ANKRD44: variants seen among roughly 807,000 people sequenced by gnomAD.
ANKRD44 encodes ankyrin repeat domain 44.
ANKRD44 carries 35 observed loss-of-function variants against 116.0 expected under a neutral mutation model. The ratio of observed to expected loss-of-function variants is 0.30; its 90% CI spans 0.23 to 0.40. The LOEUF (loss-of-function observed/expected upper bound fraction) is 0.40, where lower values mean the gene tolerates loss of function less well. ANKRD44 is among the 10% of genes least tolerant of loss of function. The pLI is 1.00. For missense variants in ANKRD44, 1,014 were observed against 1,242.6 expected, an observed-to-expected ratio of 0.82 and a Z score of 2.77; for synonymous variants, 435 against 461.8, an observed-to-expected ratio of 0.94 and a Z score of 0.74.
At chr2:197,127,615 C>T (rs2079005623) in intron 4 of ANKRD44, among the ~76,000 whole-genome samples, 1 of 152,104 alleles carries the variant, frequency 6.6e-6, no homozygotes, top group Non-Finnish European at 1.5e-5. Flanking sequence ...GGAAGGGAAG[C>T]TGAACACTTC....
At chr2:197,015,937 G>A (rs2076383944) in intron 17 of ANKRD44, 4 of 531,330 alleles carry the variant, frequency 7.5e-6, no homozygotes, top group Middle Eastern at 3.2e-4. Context: ...TAGTTTTGGT[G>A]GAAGAAGCTC....
intron 21 of ANKRD44, among the ~76,000 whole-genome samples, chr2:196,971,359 A>T (rs898431871): frequency 3.3e-5 from 5 of 151,962 alleles, no homozygotes; most frequent in African/African-American, 7.3e-5. Context: ...TATTATTTTT[A>T]TTATTATTAT....
chr2:197,260,177 G>A (rs911499801), intron 1 of ANKRD44, among the ~76,000 whole-genome samples: 6 of 152,120 alleles, frequency 3.9e-5, no homozygotes, highest in Non-Finnish European at 8.8e-5. Context: ...TTGGTGTGCT[G>A]CACCCATTAA....
intron 2 of ANKRD44, among the ~76,000 whole-genome samples, chr2:197,170,179 G>T (rs1365321311): frequency 2.1e-5 from 2 of 94,288 alleles, no homozygotes; most frequent in African/African-American, 8.5e-5. Context: ...GATAGAACAA[G>T]ACCCTGTTTC....
At chr2:197,010,520 C>G (rs570367477) in intron 18 of ANKRD44, among the ~76,000 whole-genome samples, 8 of 152,338 alleles carry the variant, frequency 5.3e-5, no homozygotes, top group South Asian at 2.1e-4. Context: ...GGATGCACTC[C>G]TGTGCACACC....
rs192929029 is a variant in ANKRD44 at position 197,226,423 on chromosome 2, T to C, written c.28-39317A>G. On this transcript the variant is annotated intron_variant, in intron 1 of 27. Coordinates refer to ENST00000282272, the MANE Select transcript of ANKRD44 (RefSeq NM_001195144.2). Reference sequence around the variant, plus strand: ...GCTCACGCCTGTAATCCTAGTACTTTGAGAGACTGAGGCGGGTGGATCATG... The same window carrying C: ...GCTCACGCCTGTAATCCTAGTACTTCGAGAGACTGAGGCGGGTGGATCATG... Among the ~76,000 whole-genome samples the C allele has an allele frequency of 3.0e-3, 451 of 152,316 alleles. 2 individuals are homozygous for C. Among genetic ancestry groups the C allele is most frequent in the African/African-American group, 0.01 (426 of 41,564 alleles).
intron 27 of ANKRD44, chr2:196,991,075 A>T (rs1272581457): frequency 4.2e-6 from 3 of 706,652 alleles, no homozygotes; most frequent in Non-Finnish European, 5.9e-6. Context: ...GTTACTTCTC[A>T]CAAGTCATGC....
intron 1 of ANKRD44, among the ~76,000 whole-genome samples, chr2:197,273,629 G>C (rs1283660452): frequency 6.6e-6 from 1 of 152,062 alleles, no homozygotes; most frequent in African/African-American, 2.4e-5. Flanking sequence ...CAGGGCCTAG[G>C]AGCCAGGCCA....
intron 17 of ANKRD44, 127 bp from the exon 18 acceptor site, chr2:197,013,839 A>C: frequency 2.3e-6 from 2 of 867,996 alleles, no homozygotes. Context: ...TCAGAAAAAC[A>C]CTTGGAATAT....
At chr2:197,080,392 T>C (rs1315392005) in intron 15 of ANKRD44, among the ~76,000 whole-genome samples, 2 of 152,174 alleles carry the variant, frequency 1.3e-5, no homozygotes, top group Non-Finnish European at 2.9e-5. Context: ...GCACATGACG[T>C]CAGAGGCGTA....
intron 2 of ANKRD44, among the ~76,000 whole-genome samples, chr2:197,154,156 T>C (rs1258236113): frequency 6.6e-6 from 1 of 151,650 alleles, no homozygotes; most frequent in African/African-American, 2.4e-5. Context: ...CTCGCCAATA[T>C]CTGATGCTAT....
In ANKRD44 at chr2:197,024,158, C is replaced by T. The variant is rs141190043; in HGVS notation, c.1722+1038G>A. ...CCTCTGCATGTCAATTAATAAAACA[C>T]TCCTCTCTTCTCTCCAAAATTTCCA... On this transcript the variant is annotated intron_variant, in intron 17 of 27. Coordinates refer to ENST00000282272, the MANE Select transcript of ANKRD44 (RefSeq NM_001195144.2). 3.9e-5 allele frequency among the ~76,000 whole-genome samples: 6 copies of T among 152,330 alleles called. No individual in the cohort carries two copies. The East Asian group carries it at 1.2e-3, about 29-fold the overall frequency.
intron 16 of ANKRD44, among the ~76,000 whole-genome samples, chr2:197,032,006 G>T (rs2076716525): frequency 6.6e-6 from 1 of 152,128 alleles, no homozygotes; most frequent in Admixed American, 6.5e-5. Flanking sequence ...TTGACAGTGT[G>T]TACCAACCCC....
At chr2:197,306,002 C>A (rs2084063270) in intron 1 of ANKRD44, among the ~76,000 whole-genome samples, 1 of 120,106 alleles carries the variant, frequency 8.3e-6, no homozygotes, top group Admixed American at 8.2e-5. Flanking sequence ...TGAAAAAAAT[C>A]ACTGAACTAC....
intron 4 of ANKRD44, among the ~76,000 whole-genome samples, chr2:197,133,519 AC>A (rs898411534): frequency 6.6e-6 from 1 of 152,192 alleles, no homozygotes; most frequent in African/African-American, 2.4e-5. Context: ...TCAATTATCT[AC>A]ATTTTATAAG....
chr2:197,051,443 G>C (rs2077105605), intron 16 of ANKRD44, among the ~76,000 whole-genome samples: 1 of 151,110 alleles, frequency 6.6e-6, no homozygotes, highest in East Asian at 2.0e-4. Context: ...ACCCAGGCTG[G>C]AGTGCAGTGG....
intron 17 of ANKRD44, among the ~76,000 whole-genome samples, chr2:197,019,345 C>A (rs1441429047): frequency 6.6e-6 from 1 of 152,196 alleles, no homozygotes; most frequent in Non-Finnish European, 1.5e-5. Context: ...ACCATAGCTG[C>A]ACAGGATAGT....
chr2:196,992,268 C>A (rs562800247), intron 27 of ANKRD44, among the ~76,000 whole-genome samples: 6 of 152,294 alleles, frequency 3.9e-5, no homozygotes, highest in Non-Finnish European at 5.9e-5. Context: ...CTCTCCCCAC[C>A]CTGCCCTTTA....
chr2:197,136,765 AC>A, intron 3 of ANKRD44, 103 bp from the exon 4 acceptor site: 1 of 919,722 alleles, frequency 1.1e-6, no homozygotes, highest in Non-Finnish European at 1.8e-6. Flanking sequence ...TGACATAACC[AC>A]CACCTCTTCT....
Sources: allele counts gnomAD v4.1 joint callset (sites outside exome capture counted in the v4.1 genomes callset), GRCh38; gene constraint gnomAD v4.1.1; transcripts MANE v1.5; gene names NCBI Gene and HGNC (gene_info 2026-07-23, HGNC 2026-07-21).